LINGO2: variants seen among roughly 807,000 people sequenced by gnomAD.
The protein encoded by LINGO2 is leucine-rich repeat and immunoglobulin-like domain-containing nogo receptor-interacting protein 2.
LINGO2 carries 14 observed loss-of-function variants against 30.6 expected under a neutral mutation model. The ratio of observed to expected loss-of-function variants is 0.46; its 90% confidence interval spans 0.30 to 0.72. The LOEUF (loss-of-function observed/expected upper bound fraction) is 0.72, where lower values mean the gene tolerates loss of function less well. LINGO2 is among the 30% of genes least tolerant of loss of function. LINGO2 has a pLI of 0.07. For synonymous variants in LINGO2, 317 were observed against 288.5 expected (o/e 1.10, Z -1.00); for missense variants, 729 against 751.7 (o/e 0.97, Z 0.35).
chr9:29,144,052 C>T, the LINGO2 span, among the ~76,000 whole-genome samples: 1 of 152,088 alleles, frequency 6.6e-6, no homozygotes, highest in African/African-American at 2.4e-5. Flanking sequence ...TTGTTTTGGT[C>T]AGATTCGTTT....
At chr9:28,363,247 T>C (rs1245265084) in intron 3 of LINGO2, among the ~76,000 whole-genome samples, 1 of 152,154 alleles carries the variant, frequency 6.6e-6, no homozygotes, top group Non-Finnish European at 1.5e-5. Context: ...CTGCTTACTC[T>C]CAGATCAATG....
chr9:28,355,032 C>A (rs1332112771), intron 3 of LINGO2, among the ~76,000 whole-genome samples: 1 of 152,084 alleles, frequency 6.6e-6, no homozygotes. Context: ...ATTAAAGGTG[C>A]TAACAAACTT....
chr9:28,344,218 G>A (rs1373015995), intron 3 of LINGO2, among the ~76,000 whole-genome samples: 1 of 151,978 alleles, frequency 6.6e-6, no homozygotes, highest in Non-Finnish European at 1.5e-5. Flanking sequence ...AAACAACCTG[G>A]ATCTTTTTCT....
intron 3 of LINGO2, among the ~76,000 whole-genome samples, chr9:28,360,758 C>G (rs976946531): frequency 6.6e-6 from 1 of 152,148 alleles, no homozygotes; most frequent in Non-Finnish European, 1.5e-5. Flanking sequence ...TTCCCTTACA[C>G]AGTCTCACCT....
the LINGO2 span, among the ~76,000 whole-genome samples, chr9:28,941,406 ATATAATGATAG>A: frequency 6.6e-6 from 1 of 152,200 alleles, no homozygotes; most frequent in Non-Finnish European, 1.5e-5. Flanking sequence ...TTGGGGCAGC[ATATAATGATAG>A]TACCACAAGT....
At chr9:29,175,070 C>A in the LINGO2 span, among the ~76,000 whole-genome samples, 1 of 152,190 alleles carries the variant, frequency 6.6e-6, no homozygotes, top group African/African-American at 2.4e-5. Flanking sequence ...ACCATCCTGA[C>A]CAACATGATG....
At chr9:28,587,304 C>T (rs985310658) in intron 1 of LINGO2, among the ~76,000 whole-genome samples, 3 of 152,030 alleles carry the variant, frequency 2.0e-5, no homozygotes, top group African/African-American at 7.2e-5. Flanking sequence ...CCTATGCCCT[C>T]ATATTCAGCT....
At chr9:28,345,726 T>A (rs1368281215) in intron 3 of LINGO2, among the ~76,000 whole-genome samples, 1 of 152,186 alleles carries the variant, frequency 6.6e-6, no homozygotes, top group Non-Finnish European at 1.5e-5. Context: ...TGACTCTCAT[T>A]GTGATAAAAT....
chr9:28,193,147 T>G (rs899753381), intron 4 of LINGO2, among the ~76,000 whole-genome samples: 2 of 149,218 alleles, frequency 1.3e-5, no homozygotes, highest in Non-Finnish European at 2.9e-5. Context: ...GATTTCTGAA[T>G]TTTTTTATGT....
chr9:29,025,267 G>T, the LINGO2 span, among the ~76,000 whole-genome samples: 1 of 152,056 alleles, frequency 6.6e-6, no homozygotes, highest in Admixed American at 6.6e-5. Flanking sequence ...TCACATCTAG[G>T]TCAGTGCATG....
At chr9:28,132,181 C>G (rs905491638) in intron 4 of LINGO2, among the ~76,000 whole-genome samples, 3 of 152,242 alleles carry the variant, frequency 2.0e-5, no homozygotes, top group Admixed American at 2.0e-4. Context: ...AAATCTTTTG[C>G]ATATTATGTT....
rs1163377043 is a variant in LINGO2, at chr9:28,113,306, T to G, written c.-86-100901A>C. 7.9e-3 allele frequency among the ~76,000 whole-genome samples: 643 copies of G among 81,586 alleles called. 9 individuals are homozygous for G. The highest frequency in any genetic ancestry group is 0.03 in the African/African-American group (604 of 19,850). 53.5% of individuals were successfully genotyped at this position (81,586 alleles called of 152,430 possible). A position where few individuals can be genotyped will look rare whatever the true frequency, so the allele number is the denominator to read the frequency against. On this transcript the variant is annotated intron_variant, in intron 4 of 5. Transcript: ENST00000379992. ...GGTACCAGTACCATGCTGTTTTGGT[T>G]ACTGTAGCCTTGTAGTATAGTTTGA...
chr9:28,892,133 T>A, the LINGO2 span, among the ~76,000 whole-genome samples: 6,255 of 151,964 alleles, frequency 0.041, 198 homozygotes, highest in Admixed American at 0.083. Flanking sequence ...TGGAGATAAA[T>A]CTGAATTTTA....
intron 1 of LINGO2, among the ~76,000 whole-genome samples, chr9:28,513,169 A>G (rs1394019501): frequency 2.6e-5 from 4 of 152,086 alleles, no homozygotes; most frequent in African/African-American, 9.7e-5. Context: ...CAAACTTTGC[A>G]ACAAACAGGC....
intron 4 of LINGO2, among the ~76,000 whole-genome samples, chr9:28,252,371 A>ACC (rs1822233106): frequency 6.6e-6 from 1 of 151,934 alleles, no homozygotes; most frequent in Non-Finnish European, 1.5e-5. Context: ...GACTACAGGC[A>ACC]CGCATCACTA....
chr9:28,097,130 A>G (rs530301467), intron 4 of LINGO2, among the ~76,000 whole-genome samples: 251 of 152,274 alleles, frequency 1.6e-3, no homozygotes, highest in African/African-American at 5.7e-3. Flanking sequence ...CAAAACCACA[A>G]TGAGATACCA....
chr9:28,370,855 C>T (rs189001674), intron 3 of LINGO2, among the ~76,000 whole-genome samples: 1 of 151,996 alleles, frequency 6.6e-6, no homozygotes, highest in East Asian at 1.9e-4. Context: ...CCTCTATAGG[C>T]CTGGATTTTA....
intron 3 of LINGO2, among the ~76,000 whole-genome samples, chr9:28,333,685 T>C (rs1825497771): frequency 6.6e-6 from 1 of 152,174 alleles, no homozygotes; most frequent in Non-Finnish European, 1.5e-5. Flanking sequence ...TTAATGAACT[T>C]TCAAAATATA....
At chr9:28,132,772 C>T (rs919762631) in intron 4 of LINGO2, among the ~76,000 whole-genome samples, 1 of 152,176 alleles carries the variant, frequency 6.6e-6, no homozygotes, top group Admixed American at 6.5e-5. Context: ...ATTAAGGTCC[C>T]AGAGCATTTT....
Sources: gnomAD v4.1 joint callset for allele counts (sites outside exome capture counted in the v4.1 genomes callset) on GRCh38, gnomAD v4.1.1 for gene constraint, MANE v1.5 for transcripts, NCBI Gene and HGNC (gene_info 2026-07-23, HGNC 2026-07-21) for gene names.